Variants in MINAR2 observed in about 807,000 individuals in gnomAD.
MINAR2 encodes membrane integral NOTCH2 associated receptor 2.
In MINAR2, 21 loss-of-function variants were observed where a neutral mutation model predicts 16.1. That is an observed-to-expected ratio of 1.31 (90% CI 0.93 to 1.88). The LOEUF is 1.88. MINAR2 is among the 40% of genes most tolerant of loss of function. The probability of loss-of-function intolerance (pLI) is 0.00; values close to 1 mark genes in which losing one functional copy is unlikely to be tolerated. For synonymous variants in MINAR2, 86 were observed against 83.0 expected, an observed-to-expected ratio of 1.04 and a Z score of -0.20; for missense variants, 259 against 229.8, an observed-to-expected ratio of 1.13 and a Z score of -0.82.
In MINAR2 at chr5:129,764,417, A is replaced by G. The variant is rs149103857; in HGVS notation, c.394-467A>G. On this transcript the variant is annotated intron_variant, in intron 2 of 2. Coordinates refer to ENST00000564719, the MANE Select transcript of MINAR2 (RefSeq NM_001257308.2). The stretch of plus-strand genomic sequence containing the variant: ...TTCCGGGTTTACTGAAAACCCCACC[A>G]AGCATGTTTATTCCTGGCATGCAGA... 2.5e-3 allele frequency among the ~76,000 whole-genome samples: 379 copies of G among 152,330 alleles called. 2 individuals are homozygous for G. Among genetic ancestry groups the G allele is most frequent in the African/African-American group, 8.1e-3 (335 of 41,578 alleles).
intron 1 of MINAR2, among the ~76,000 whole-genome samples, 176 bp from the exon 2 acceptor site, chr5:129,760,202 C>T (rs970405843): frequency 2.0e-5 from 3 of 152,078 alleles, no homozygotes; most frequent in African/African-American, 7.2e-5. Context: ...AGAAAAAACT[C>T]AATTAATGTT....
At chr5:129,759,816 A>G (rs1272689939) in intron 1 of MINAR2, among the ~76,000 whole-genome samples, 1 of 110,344 alleles carries the variant, frequency 9.1e-6, no homozygotes, top group Non-Finnish European at 2.4e-5. Context: ...TCAGTATTAG[A>G]GCTATCTAAC....
intron 2 of MINAR2, among the ~76,000 whole-genome samples, chr5:129,761,570 T>C (rs1758136142): frequency 6.6e-6 from 1 of 152,204 alleles, no homozygotes; most frequent in Admixed American, 6.5e-5. Context: ...ATGTATCTCC[T>C]CCTTTACGTA....
chr5:129,763,483 C>G (rs28694082), intron 2 of MINAR2, among the ~76,000 whole-genome samples: 1 of 151,986 alleles, frequency 6.6e-6, no homozygotes, highest in Non-Finnish European at 1.5e-5. Context: ...AAAAGAAATC[C>G]ATGTTTAATT....
chr5:129,754,767 G>T (rs1758034564), intron 1 of MINAR2, among the ~76,000 whole-genome samples: 2 of 151,954 alleles, frequency 1.3e-5, no homozygotes, highest in Non-Finnish European at 2.9e-5. Context: ...CATCTATTTT[G>T]CCCATAAACA....
chr5:129,754,587 G>A (rs1436642592), intron 1 of MINAR2, among the ~76,000 whole-genome samples: 5 of 151,994 alleles, frequency 3.3e-5, no homozygotes, highest in Non-Finnish European at 7.4e-5. Flanking sequence ...ATAATATCTT[G>A]TAATTCTCCA....
chr5:129,749,793 T>C (rs1757964188), intron 1 of MINAR2, among the ~76,000 whole-genome samples: 1 of 152,216 alleles, frequency 6.6e-6, no homozygotes, highest in Non-Finnish European at 1.5e-5. Flanking sequence ...ATTTCCTTCA[T>C]GTGGAACTTC....
In MINAR2 at chr5:129,764,951, A is replaced by G. The variant is rs1294714984; in HGVS notation, c.461A>G (p.Lys154Arg). Reference protein sequence around the residue: ...MYTPGFDTLLKKEEKQEKHSK... With the variant: ...MYTPGFDTLLRKEEKQEKHSK... Reference sequence around the variant, plus strand: ...ACTCCAGGTTTTGACACTTTATTGAAAAAGGAAGAGAAACAAGAGAAGCAT... The same window carrying G: ...ACTCCAGGTTTTGACACTTTATTGAGAAAGGAAGAGAAACAAGAGAAGCAT... The change falls in exon 3 of 3, where the codon AAA becomes AGA. Residue 154 changes from lysine (K) to arginine (R), a missense_variant. Transcript: ENST00000564719. 2.1e-6 allele frequency: 3 copies of G among 1,405,190 alleles called. No homozygotes were observed. Among genetic ancestry groups the G allele is most frequent in the Non-Finnish European group, 2.8e-6 (3 of 1,079,874 alleles). 87.0% of individuals were successfully genotyped at this position (1,405,190 alleles called of 1,614,324 possible).
intron 1 of MINAR2, 86 bp downstream of exon 1, chr5:129,748,441 C>T: frequency 1.5e-6 from 2 of 1,366,640 alleles, no homozygotes; most frequent in South Asian, 2.8e-5. Flanking sequence ...CAACAAGAAG[C>T]CTATAGGAAC....
intron 1 of MINAR2, among the ~76,000 whole-genome samples, chr5:129,753,298 A>C (rs568190453): frequency 6.6e-6 from 1 of 151,930 alleles, no homozygotes; most frequent in Non-Finnish European, 1.5e-5. Flanking sequence ...AGCCTGGCCA[A>C]CATGGCAAAA....
At chr5:129,751,858 A>G (rs1275979764) in intron 1 of MINAR2, among the ~76,000 whole-genome samples, 2 of 152,204 alleles carry the variant, frequency 1.3e-5, no homozygotes, top group African/African-American at 4.8e-5. Flanking sequence ...ATTTTTTTAA[A>G]CAAATGTGAT....
chr5:129,756,091 GTT>G (rs1190212074), intron 1 of MINAR2, among the ~76,000 whole-genome samples: 3 of 151,840 alleles, frequency 2.0e-5, no homozygotes, highest in African/African-American at 7.2e-5. Context: ...TCAGCAGAAT[GTT>G]TTATTTTATG....
rs1306491286 is a variant in MINAR2 at position 129,748,345 on chromosome 5, T to C, written c.155T>C (p.Val52Ala). The change falls in exon 1 of 3, where the codon GTC (valine) becomes GCC (alanine). Residue 52 changes from valine to alanine, a missense_variant. By Grantham distance (64) the Val-to-Ala change is moderately conservative (BLOSUM62 0). Transcript: ENST00000564719. Reference protein sequence around the residue: ...YPAAQHWQNLVYSQREKKNIA... With the variant: ...YPAAQHWQNLAYSQREKKNIA... ...GCTGCACAACACTGGCAAAACCTTG[T>C]CTACTCACAGGTAAGATCTAGGGGC... The C allele has an allele frequency of 1.3e-6, 2 of 1,534,916 alleles. No homozygotes were observed. Among genetic ancestry groups the C allele is most frequent in the Non-Finnish European group, 8.7e-7 (1 of 1,146,448 alleles).
At chr5:129,756,570 C>T (rs1420959861) in intron 1 of MINAR2, among the ~76,000 whole-genome samples, 3 of 151,966 alleles carry the variant, frequency 2.0e-5, no homozygotes, top group African/African-American at 4.8e-5. Context: ...TGAGAACATA[C>T]GATGTTTGGT....
chr5:129,755,325 T>C (rs2149545533), intron 1 of MINAR2, among the ~76,000 whole-genome samples: 1 of 152,238 alleles, frequency 6.6e-6, no homozygotes, highest in Non-Finnish European at 1.5e-5. Context: ...TGCCCTCATC[T>C]GAAGTTTATA....
intron 1 of MINAR2, among the ~76,000 whole-genome samples, chr5:129,750,238 T>C (rs1416522035): frequency 1.3e-5 from 2 of 152,184 alleles, no homozygotes; most frequent in African/African-American, 4.8e-5. Flanking sequence ...ATTCATTGGA[T>C]AAAACAATAA....
chr5:129,759,198 C>G (rs371067032), intron 1 of MINAR2, among the ~76,000 whole-genome samples: 1 of 151,918 alleles, frequency 6.6e-6, no homozygotes, highest in African/African-American at 2.4e-5. Flanking sequence ...AAATATGACT[C>G]AGAAGAATAA....
chr5:129,752,812 A>C (rs922392363), intron 1 of MINAR2, among the ~76,000 whole-genome samples: 8 of 151,768 alleles, frequency 5.3e-5, no homozygotes, highest in African/African-American at 1.9e-4. Context: ...GGTGGGCCTT[A>C]ATTTTCTAAT....
At chr5:129,760,108 A>G (rs1006499937) in intron 1 of MINAR2, among the ~76,000 whole-genome samples, 1 of 152,210 alleles carries the variant, frequency 6.6e-6, no homozygotes, top group Non-Finnish European at 1.5e-5. Context: ...TGTTTGAATT[A>G]GAGAGTAAAG....
Sources: allele counts gnomAD v4.1 joint callset (sites outside exome capture counted in the v4.1 genomes callset), GRCh38; gene constraint gnomAD v4.1.1; transcripts MANE v1.5; gene names NCBI Gene and HGNC (gene_info 2026-07-23, HGNC 2026-07-21).